The following CLVS1 variants were observed in gnomAD, a reference collection of about 807,000 sequenced individuals.
CLVS1 encodes the protein clavesin 1.
In CLVS1, 10 loss-of-function variants were observed where a neutral mutation model predicts 33.1. That is an observed-to-expected ratio of 0.30 (90% CI 0.19 to 0.51). The LOEUF (loss-of-function observed/expected upper bound fraction) is 0.51. Ranked by LOEUF, CLVS1 falls within the 20% of genes least tolerant of loss-of-function variation. CLVS1 has a pLI of 0.97. For synonymous variants in CLVS1, 163 were observed against 166.1 expected (o/e 0.98, Z 0.14); for missense variants, 343 against 433.4 (o/e 0.79, Z 1.85).
At chr8:61,201,150 A>G (rs1463534143) in intron 2 of CLVS1, among the ~76,000 whole-genome samples, 3 of 152,354 alleles carry the variant, frequency 2.0e-5, no homozygotes, top group Non-Finnish European at 4.4e-5. Flanking sequence ...TGATAAATCA[A>G]ACAAAAAAGT....
chr8:61,449,779 A>G (rs1427876544), intron 3 of CLVS1, among the ~76,000 whole-genome samples: 2 of 152,054 alleles, frequency 1.3e-5, no homozygotes, highest in Admixed American at 1.3e-4. Context: ...GAAACTCTCT[A>G]TTGTGTCCTT....
At chr8:61,255,258 G>A (rs1585726015) in intron 2 of CLVS1, among the ~76,000 whole-genome samples, 2 of 152,214 alleles carry the variant, frequency 1.3e-5, no homozygotes, top group East Asian at 3.9e-4. Flanking sequence ...AGTGCTTGAG[G>A]TGGCCTGACT....
chr8:61,294,209 C>T (rs902897541), intron 1 of CLVS1, among the ~76,000 whole-genome samples: 2 of 152,086 alleles, frequency 1.3e-5, no homozygotes, highest in Non-Finnish European at 2.9e-5. Context: ...AAGGCACCTA[C>T]TTGGAGAGCA....
intron 2 of CLVS1, among the ~76,000 whole-genome samples, chr8:61,366,183 G>A (rs774122045): frequency 1.3e-5 from 2 of 152,004 alleles, no homozygotes; most frequent in Non-Finnish European, 2.9e-5. Flanking sequence ...ATGGGCCCTG[G>A]TGCAATCTCT....
chr8:61,499,469 T>A lies in CLVS1; in HGVS notation c.992T>A (p.Val331Glu). Reference protein sequence around the residue: ...PKLMKRSQSVVEAGTLKHEEK... With the variant: ...PKLMKRSQSVEEAGTLKHEEK... ...CCTCTTGTTAGATCTCAGTCTGTGGTAGAAGCTGGGACCCTGAAACATGAG... is the reference window on the plus strand; with the variant it reads ...CCTCTTGTTAGATCTCAGTCTGTGGAAGAAGCTGGGACCCTGAAACATGAG... Residue 331 changes from valine (V) to glutamate (E), a missense_variant, in exon 6 of 6, where the codon GTA (valine) becomes GAA (glutamate). Coordinates refer to ENST00000325897, the MANE Select transcript of CLVS1 (RefSeq NM_173519.3). 1 of 1,613,174 alleles carries A rather than the reference T, an allele frequency of 6.2e-7. No homozygotes were observed. The highest frequency in any genetic ancestry group is 2.2e-5 in the East Asian group (1 of 44,842).
intron 2 of CLVS1, among the ~76,000 whole-genome samples, chr8:61,168,421 C>T (rs1037333819): frequency 6.6e-6 from 1 of 152,072 alleles, no homozygotes; most frequent in Admixed American, 6.5e-5. Context: ...ATGGTCAGGC[C>T]AAGTATAACA....
intron 1 of CLVS1, among the ~76,000 whole-genome samples, chr8:61,091,485 A>C (rs1243810012): frequency 2.6e-5 from 4 of 152,158 alleles, no homozygotes; most frequent in African/African-American, 9.6e-5. Flanking sequence ...ATATTCAAAA[A>C]CTTTAGCTAG....
chr8:61,052,753 T>C (rs935788076), upstream of CLVS1, among the ~76,000 whole-genome samples: 1 of 151,934 alleles, frequency 6.6e-6, no homozygotes, highest in Non-Finnish European at 1.5e-5. Flanking sequence ...GCTGTGAGAG[T>C]TTCCCTCTGA....
chr8:61,198,765 AT>A (rs2129304445), intron 2 of CLVS1, among the ~76,000 whole-genome samples: 1 of 152,268 alleles, frequency 6.6e-6, no homozygotes, highest in South Asian at 2.1e-4. Context: ...ACCACTCTGT[AT>A]GTCTTTGCAT....
chr8:61,423,601 C>T (rs1011804181), intron 3 of CLVS1, among the ~76,000 whole-genome samples: 5 of 152,196 alleles, frequency 3.3e-5, no homozygotes, highest in Admixed American at 6.5e-5. Flanking sequence ...TAATGAAGAG[C>T]GCCCTAAATC....
chr8:61,275,719 C>A (rs528258054), intron 2 of CLVS1, among the ~76,000 whole-genome samples: 63 of 152,266 alleles, frequency 4.1e-4, no homozygotes, highest in African/African-American at 1.5e-3. Context: ...CCAATAAAAA[C>A]CAATTTGATT....
At chr8:61,002,122 G>C in the CLVS1 span, among the ~76,000 whole-genome samples, 1 of 151,900 alleles carries the variant, frequency 6.6e-6, no homozygotes, top group South Asian at 2.1e-4. Context: ...GGGACTACAG[G>C]CATATGTTAC....
intron 1 of CLVS1, among the ~76,000 whole-genome samples, chr8:61,065,441 G>A (rs1471189535): frequency 1.3e-5 from 2 of 152,010 alleles, no homozygotes; most frequent in African/African-American, 4.8e-5. Flanking sequence ...TATTTGAGAG[G>A]GGCACAAATA....
chr8:61,206,582 T>C (rs1485705055), intron 2 of CLVS1, among the ~76,000 whole-genome samples: 2 of 146,408 alleles, frequency 1.4e-5, no homozygotes, highest in Non-Finnish European at 3.0e-5. Flanking sequence ...TCTTTTCTTT[T>C]TTTCTTTCTT....
At chr8:61,090,212 C>A (rs919557561) in intron 1 of CLVS1, among the ~76,000 whole-genome samples, 10 of 152,134 alleles carry the variant, frequency 6.6e-5, no homozygotes, top group Admixed American at 2.6e-4. Flanking sequence ...GATTTAGAGA[C>A]CTGACGTACC....
intron 2 of CLVS1, among the ~76,000 whole-genome samples, chr8:61,266,751 A>G (rs954671125): frequency 6.6e-6 from 1 of 152,202 alleles, no homozygotes. Context: ...CTTTTCAAAT[A>G]AAGTCTCTCT....
intron 2 of CLVS1, among the ~76,000 whole-genome samples, chr8:61,262,535 A>G (rs568882845): frequency 6.6e-6 from 1 of 152,160 alleles, no homozygotes; most frequent in South Asian, 2.1e-4. Context: ...GGCCCATCTG[A>G]TAAGAATTGA....
At chr8:61,076,172 C>T (rs563660781) in intron 1 of CLVS1, among the ~76,000 whole-genome samples, 1 of 152,158 alleles carries the variant, frequency 6.6e-6, no homozygotes, top group African/African-American at 2.4e-5. Context: ...TTCTCTCTCC[C>T]TCCCTCCTTC....
chr8:61,415,673 G>A (rs1815400160), intron 3 of CLVS1, among the ~76,000 whole-genome samples: 1 of 151,888 alleles, frequency 6.6e-6, no homozygotes, highest in Admixed American at 6.6e-5. Flanking sequence ...TCTTCCACGG[G>A]TGCCGGTAAA....
Sources: allele counts gnomAD v4.1 joint callset (sites outside exome capture counted in the v4.1 genomes callset), GRCh38; gene constraint gnomAD v4.1.1; transcripts MANE v1.5; gene names NCBI Gene and HGNC (gene_info 2026-07-23, HGNC 2026-07-21).